Variants in CDH13 observed in about 807,000 individuals in gnomAD.
CDH13 encodes the protein cadherin-13.
CDH13 carries 24 observed loss-of-function variants against 63.8 expected under a neutral mutation model. That is an observed-to-expected ratio of 0.38 (90% CI 0.27 to 0.53). CDH13 has a LOEUF of 0.53. Among genes scored for constraint, CDH13 ranks in the 20% least tolerant of loss-of-function variants. The pLI is 0.85. For synonymous variants in CDH13, 503 were observed against 355.3 expected (o/e 1.42, Z -4.67); for missense variants, 1,049 against 903.1 (o/e 1.16, Z -2.07).
rs775129796 is a variant in CDH13 at position 83,322,443 on chromosome 16, A to G, written c.637-22419A>G. Among the ~76,000 whole-genome samples the G allele has an allele frequency of 5.4e-4, 82 of 152,192 alleles. 1 individual carries two copies. Among genetic ancestry groups the G allele is most frequent in the Admixed American group, 2.8e-3 (43 of 15,278 alleles). The stretch of plus-strand genomic sequence containing the variant: ...TAGTGCACTCACTCGGTGATGATTC[A>G]TTTGTTCATTGATTCATTTCTTTCA... On this transcript the variant is annotated intron_variant, in intron 5 of 13. Transcript: ENST00000567109.
intron 13 of CDH13, among the ~76,000 whole-genome samples, chr16:83,791,411 G>A (rs564686938): frequency 1.3e-5 from 2 of 151,782 alleles, no homozygotes; most frequent in East Asian, 1.9e-4. Context: ...CAGGAGAATC[G>A]AGTGAGCTTG....
At chr16:83,153,609 G>A (rs1597429554) in intron 4 of CDH13, among the ~76,000 whole-genome samples, 1 of 152,188 alleles carries the variant, frequency 6.6e-6, no homozygotes, top group African/African-American at 2.4e-5. Context: ...GGAGGTTCGA[G>A]GCAAGATGGA....
At chr16:83,495,173 T>C (rs1377300856) in intron 7 of CDH13, among the ~76,000 whole-genome samples, 1 of 152,142 alleles carries the variant, frequency 6.6e-6, no homozygotes, top group Non-Finnish European at 1.5e-5. Context: ...TGAGAACATA[T>C]GCCCAAGGTG....
At chr16:83,547,106 A>G (rs74897068) in intron 7 of CDH13, among the ~76,000 whole-genome samples, 3,183 of 152,280 alleles carry the variant, frequency 0.021, 131 homozygotes, top group African/African-American at 0.073. Context: ...TGCCAGGAGA[A>G]TGGTGGAGTA....
intron 2 of CDH13, among the ~76,000 whole-genome samples, chr16:82,905,420 C>A (rs931272850): frequency 2.5e-4 from 37 of 147,350 alleles, no homozygotes; most frequent in African/African-American, 8.3e-4. Flanking sequence ...GGGTGTTATA[C>A]CATGAATCAC....
At chr16:82,638,315 C>T (rs1908938191) in intron 1 of CDH13, among the ~76,000 whole-genome samples, 1 of 152,196 alleles carries the variant, frequency 6.6e-6, no homozygotes, top group African/African-American at 2.4e-5. Flanking sequence ...GAGCAGACCT[C>T]CTAGCCCTTT....
intron 5 of CDH13, among the ~76,000 whole-genome samples, chr16:83,247,492 A>C: frequency 6.4e-5 from 1 of 15,658 alleles, no homozygotes; most frequent in Non-Finnish European, 1.6e-4. Context: ...CCATGCTGTC[A>C]CCACTTTTTT....
At chr16:83,742,759 G>C (rs2150964871) in intron 10 of CDH13, among the ~76,000 whole-genome samples, 1 of 152,308 alleles carries the variant, frequency 6.6e-6, no homozygotes, top group East Asian at 1.9e-4. Flanking sequence ...CCAGCTCTTA[G>C]TTCATGTTAC....
intron 2 of CDH13, among the ~76,000 whole-genome samples, chr16:82,956,180 A>T (rs910009124): frequency 6.6e-6 from 1 of 151,588 alleles, no homozygotes; most frequent in Non-Finnish European, 1.5e-5. Flanking sequence ...AAACATGGGC[A>T]TGATTCTCGG....
At chr16:83,233,210 C>A (rs1454736769) in intron 5 of CDH13, among the ~76,000 whole-genome samples, 1 of 152,168 alleles carries the variant, frequency 6.6e-6, no homozygotes, top group African/African-American at 2.4e-5. Flanking sequence ...CAGTTTTCTC[C>A]CTTAGGACCA....
In CDH13 at chr16:83,107,504, C is replaced by A. The variant is rs140903475; in HGVS notation, c.367-17881C>A. Among the ~76,000 whole-genome samples the A allele has an allele frequency of 7.6e-3, 1,160 of 152,316 alleles. 13 individuals carry two copies. Among genetic ancestry groups the A allele is most frequent in the African/African-American group, 0.027 (1,103 of 41,574 alleles). On this transcript the variant is annotated intron_variant, in intron 3 of 13. Coordinates refer to ENST00000567109, the MANE Select transcript of CDH13 (RefSeq NM_001257.5). ...ATGCAGCCTTCTTTCCAGTACAGGA[C>A]AAGTTCTGTTTCTCCACTGGACACC...
chr16:82,846,076 T>C (rs999087238), intron 1 of CDH13, among the ~76,000 whole-genome samples: 2 of 152,166 alleles, frequency 1.3e-5, no homozygotes, highest in African/African-American at 4.8e-5. Context: ...CTTCAAATAA[T>C]CTGGAAAACA....
chr16:82,645,822 C>T (rs1008768133), intron 1 of CDH13, among the ~76,000 whole-genome samples: 14 of 152,248 alleles, frequency 9.2e-5, no homozygotes, highest in African/African-American at 2.4e-4. Context: ...TATGAAGAAA[C>T]CAGTAAGATG....
intron 1 of CDH13, among the ~76,000 whole-genome samples, chr16:82,755,556 A>G (rs1007125323): frequency 6.6e-6 from 1 of 152,220 alleles, no homozygotes; most frequent in Non-Finnish European, 1.5e-5. Flanking sequence ...CTTACATTGT[A>G]GCTTTCTCTC....
In CDH13 at chr16:83,444,243, G is replaced by A. The variant is rs138051394; in HGVS notation, c.782-42234G>A. 5.6e-3 allele frequency among the ~76,000 whole-genome samples: 848 copies of A among 152,226 alleles called. 5 individuals are homozygous for A. The highest frequency in any genetic ancestry group is 0.018 in the African/African-American group (742 of 41,532). On this transcript the variant is annotated intron_variant, in intron 6 of 13. Transcript: ENST00000567109. ...CCATAGTAATGATGATGATGATGACGATGATGGTAGAGGCTTACATTGATT... is the reference window on the plus strand; with the variant it reads ...CCATAGTAATGATGATGATGATGACAATGATGGTAGAGGCTTACATTGATT...
chr16:83,355,087 G>A (rs9930051), intron 6 of CDH13, among the ~76,000 whole-genome samples: 110,404 of 152,048 alleles, frequency 0.73, 40,238 homozygotes, highest in East Asian at 0.88. Context: ...GGTTTTAAGC[G>A]AGGAAATAGA....
chr16:83,726,795 G>A (rs445281), intron 10 of CDH13, among the ~76,000 whole-genome samples: 146,375 of 151,828 alleles, frequency 0.96, 70,729 homozygotes, highest in Middle Eastern at 1. Context: ...CGGAGATGGC[G>A]CCACTGCGCT....
At position 83,077,186 on chromosome 16, in the gene CDH13, CTTTTTTTTT is replaced by C. The variant is rs34536219; in HGVS notation, c.366+44984_366+44992del. Among the ~76,000 whole-genome samples, 53 of 59,174 alleles carry C rather than the reference CTTTTTTTTT, an allele frequency of 9.0e-4. No homozygotes were observed. The South Asian group carries it at 0.02, about 22-fold the overall frequency. 38.8% of individuals were successfully genotyped at this position (59,174 alleles called of 152,430 possible). ...TCTTTTCTTTTCTTTTTTTTCTTTT[CTTTTTTTTT>C]TTTTTTTTTTTTTTTGAGACAGAGT... is the stretch of plus-strand genomic sequence containing the variant. On this transcript the variant is annotated intron_variant, in intron 3 of 13. Coordinates refer to ENST00000567109, the MANE Select transcript of CDH13 (RefSeq NM_001257.5).
intron 6 of CDH13, among the ~76,000 whole-genome samples, chr16:83,461,272 G>C (rs2151524743): frequency 6.6e-6 from 1 of 152,066 alleles, no homozygotes; most frequent in South Asian, 2.1e-4. Flanking sequence ...GCTTTTAATG[G>C]AAAAGAGGAA....
Sources: gnomAD v4.1 joint callset for allele counts (sites outside exome capture counted in the v4.1 genomes callset) on GRCh38, gnomAD v4.1.1 for gene constraint, MANE v1.5 for transcripts, NCBI Gene and HGNC (gene_info 2026-07-23, HGNC 2026-07-21) for gene names.